The following TENM3 variants were observed in gnomAD, a reference collection of about 807,000 sequenced individuals.
TENM3 encodes teneurin-3.
In TENM3, 63 loss-of-function variants were observed where a neutral mutation model predicts 255.1. That is an observed-to-expected ratio of 0.25 (90% CI 0.20 to 0.30). The LOEUF is 0.30. Ranked by LOEUF, TENM3 falls within the 10% of genes least tolerant of loss-of-function variation. The pLI is 1.00. For missense variants in TENM3, 2,929 were observed against 3,461.1 expected, an observed-to-expected ratio of 0.85 and a Z score of 3.86; for synonymous variants, 1,306 against 1,322.3, an observed-to-expected ratio of 0.99 and a Z score of 0.27.
upstream of TENM3, among the ~76,000 whole-genome samples, chr4:182,239,541 A>G (rs2150056548): frequency 6.6e-6 from 1 of 152,326 alleles, no homozygotes; most frequent in South Asian, 2.1e-4. Context: ...AGCATGCTGC[A>G]AAAACTTTGA....
intron 3 of TENM3, among the ~76,000 whole-genome samples, chr4:182,561,785 A>ATGC (rs2151973755): frequency 6.6e-6 from 1 of 152,250 alleles, no homozygotes; most frequent in East Asian, 1.9e-4. Context: ...AAGGGAATTC[A>ATGC]TGCTGTGTCA....
At chr4:182,046,352 T>C in the TENM3 span, among the ~76,000 whole-genome samples, 2 of 152,000 alleles carry the variant, frequency 1.3e-5, no homozygotes, top group African/African-American at 4.8e-5. Flanking sequence ...CTACTATTGA[T>C]TTATGAAGAC....
At chr4:182,730,555 C>A (rs915762703) in intron 15 of TENM3, among the ~76,000 whole-genome samples, 4 of 152,096 alleles carry the variant, frequency 2.6e-5, no homozygotes, top group Non-Finnish European at 5.9e-5. Context: ...TAGGAGAATG[C>A]TCTTTGTCTC....
At chr4:181,763,169 A>T in the TENM3 span, among the ~76,000 whole-genome samples, 1 of 152,154 alleles carries the variant, frequency 6.6e-6, no homozygotes, top group Non-Finnish European at 1.5e-5. Context: ...TGGAGAGCTA[A>T]ACTACCATTA....
At chr4:182,436,025 C>A (rs1387850747) in intron 3 of TENM3, among the ~76,000 whole-genome samples, 1 of 151,364 alleles carries the variant, frequency 6.6e-6, no homozygotes, top group East Asian at 1.9e-4. Flanking sequence ...TTACTAGATA[C>A]AGTGATATTA....
upstream of TENM3, among the ~76,000 whole-genome samples, chr4:182,139,030 G>A (rs1040831482): frequency 6.6e-6 from 1 of 152,122 alleles, no homozygotes; most frequent in African/African-American, 2.4e-5. Context: ...TATTTTATTC[G>A]TGTATCCACT....
chr4:181,638,460 G>A, the TENM3 span, among the ~76,000 whole-genome samples: 1 of 152,160 alleles, frequency 6.6e-6, no homozygotes. Flanking sequence ...AATTATTAAT[G>A]TCAACTTTTC....
chr4:182,104,779 G>T, the TENM3 span, among the ~76,000 whole-genome samples: 2 of 152,088 alleles, frequency 1.3e-5, no homozygotes, highest in Non-Finnish European at 2.9e-5. Context: ...CTCCCAAAGT[G>T]CTGGGATTAC....
At chr4:181,712,211 G>A in the TENM3 span, among the ~76,000 whole-genome samples, 13 of 152,110 alleles carry the variant, frequency 8.5e-5, no homozygotes, top group African/African-American at 2.9e-4. Flanking sequence ...TATATGGCTT[G>A]GATCTATGTT....
chr4:181,630,129 G>T, the TENM3 span, among the ~76,000 whole-genome samples: 1 of 152,180 alleles, frequency 6.6e-6, no homozygotes, highest in Non-Finnish European at 1.5e-5. Flanking sequence ...TTGCATAGAG[G>T]TGTTTATAGT....
At chr4:181,824,794 A>T in the TENM3 span, among the ~76,000 whole-genome samples, 1 of 152,200 alleles carries the variant, frequency 6.6e-6, no homozygotes, top group South Asian at 2.1e-4. Flanking sequence ...CTTCTAATTC[A>T]CCAGACTCTA....
At chr4:181,760,975 C>CAA in the TENM3 span, among the ~76,000 whole-genome samples, 1 of 69,442 alleles carries the variant, frequency 1.4e-5, no homozygotes, top group Non-Finnish European at 3.2e-5. Context: ...CACATACACA[C>CAA]ACACACACAC....
chr4:181,724,498 T>C, the TENM3 span, among the ~76,000 whole-genome samples: 4 of 152,208 alleles, frequency 2.6e-5, no homozygotes, highest in Non-Finnish European at 5.9e-5. Context: ...CAAAAGCTCT[T>C]TGTTTTCTAA....
chr4:181,751,627 A>C, the TENM3 span, among the ~76,000 whole-genome samples: 1 of 142,550 alleles, frequency 7.0e-6, no homozygotes, highest in Non-Finnish European at 1.6e-5. Flanking sequence ...CAACAGCCTA[A>C]GGGAAGCCCT....
the TENM3 span, among the ~76,000 whole-genome samples, chr4:181,548,017 T>A: frequency 6.6e-6 from 1 of 151,612 alleles, no homozygotes; most frequent in Non-Finnish European, 1.5e-5. Context: ...TGTCTATGTG[T>A]TCTCATTGTT....
chr4:182,754,776 A>T lies in TENM3; in HGVS notation c.4409A>T (p.Lys1470Ile). The part of the protein sequence containing the change: ...QSGDGYAKDA[K>I]LSAPSSLAAS... ...GGAGATGGCTACGCCAAGGATGCCA[A>T]ACTCAGTGCCCCATCCTCCCTGGCT... The change falls in exon 22 of 28, where the codon AAA becomes ATA. Residue 1470 changes from lysine (K) to isoleucine (I), a missense_variant. Lys to Ile is a moderately radical substitution (Grantham distance 102). This residue lies in a region of TENM3 where 1,608 missense variants were observed against 1,884.4 expected (regional missense o/e 0.85). Coordinates refer to ENST00000511685, the MANE Select transcript of TENM3 (RefSeq NM_001080477.4). The surrounding 1 kb of genome is among the most constrained non-coding windows in gnomAD (Gnocchi z 5.1). 6.2e-7 allele frequency: 1 copy of T among 1,614,064 alleles called. No homozygotes were observed. Among genetic ancestry groups the T allele is most frequent in the Non-Finnish European group, 8.5e-7 (1 of 1,179,898 alleles).
chr4:182,102,468 T>C, the TENM3 span, among the ~76,000 whole-genome samples: 1 of 152,172 alleles, frequency 6.6e-6, no homozygotes, highest in Non-Finnish European at 1.5e-5. Context: ...ATTTAAGTAT[T>C]TGGGATGTCC....
the TENM3 span, among the ~76,000 whole-genome samples, chr4:181,681,766 G>A: frequency 1.5e-4 from 23 of 151,840 alleles, no homozygotes; most frequent in African/African-American, 5.3e-4. Flanking sequence ...TTCCCCAGTA[G>A]GGATAAAACA....
the TENM3 span, among the ~76,000 whole-genome samples, chr4:182,075,284 T>C: frequency 1.4e-5 from 2 of 146,662 alleles, no homozygotes; most frequent in South Asian, 2.2e-4. Flanking sequence ...CTGCAACCTC[T>C]GCCTCCTGGG....
Sources: gnomAD v4.1 joint callset for allele counts (sites outside exome capture counted in the v4.1 genomes callset) on GRCh38, gnomAD v4.1.1 for gene constraint, gnomAD v4.1.1 regional missense constraint, Gnocchi (gnomAD v3.1) non-coding constraint, MANE v1.5 for transcripts, NCBI Gene and HGNC (gene_info 2026-07-23, HGNC 2026-07-21) for gene names.